The following SDK2 variants were observed in gnomAD, a reference collection of about 807,000 sequenced individuals.
SDK2 encodes sidekick cell adhesion molecule 2.
A neutral mutation model predicts 253.9 loss-of-function variants in SDK2; 105 were observed. That is an observed-to-expected ratio of 0.41 (90% confidence interval 0.35 to 0.49). The LOEUF is 0.49. Ranked by LOEUF, SDK2 falls within the 20% of genes least tolerant of loss-of-function variation. The probability of loss-of-function intolerance (pLI) is 0.06; values close to 1 mark genes in which losing one functional copy is unlikely to be tolerated. For synonymous variants in SDK2, 1,249 were observed against 1,234.9 expected (o/e 1.01, Z -0.24); for missense variants, 2,608 against 3,003.0 (o/e 0.87, Z 3.07).
chr17:73,393,651 G>A lies in SDK2; in HGVS notation c.3807C>T (p.Tyr1269=), dbSNP rs771046841. ...RSAQLTGLGK[Y]VLYEVQVLAF... ...CCAGCACCTGGACTTCATAGAGCAC[G>A]TATTTGCCCAAGCCGGTGAGCTGGG... The change falls in exon 27 of 45, where the codon TAC becomes TAT. Residue 1269 remains tyrosine (Y), a synonymous_variant. Transcript: ENST00000392650. 6.2e-5 allele frequency: 99 copies of A among 1,600,852 alleles called. No individual in the cohort carries two copies. Among genetic ancestry groups the A allele is most frequent in the South Asian group, 4.0e-4 (36 of 89,762 alleles).
chr17:73,612,917 A>AAAT lies in SDK2; in HGVS notation c.64+31105_64+31107dup, dbSNP rs367745115. ...GGGTGACAGAGCGAGACTCCGTCTC[A>AAAT]AATAATAATAATAATAATAATAGTA... On this transcript the variant is annotated intron_variant, in intron 1 of 44. Transcript: ENST00000392650. This position sits in a 1 kb window ranked among gnomAD's most constrained non-coding sequence, Gnocchi z 4.4. Among the ~76,000 whole-genome samples the AAAT allele has an allele frequency of 0.039, 5,928 of 151,530 alleles. 172 individuals are homozygous for AAAT. The highest frequency in any genetic ancestry group is 0.079 in the African/African-American group (3,279 of 41,282).
chr17:73,371,162 A>G (rs1293940477), intron 36 of SDK2, among the ~76,000 whole-genome samples: 1 of 152,044 alleles, frequency 6.6e-6, no homozygotes, highest in Non-Finnish European at 1.5e-5. Context: ...TCACTCATGC[A>G]TTCATACTAA....
chr17:73,398,477 C>A, intron 22 of SDK2, 48 bp from the exon 23 acceptor site: 1 of 1,513,346 alleles, frequency 6.6e-7, no homozygotes, highest in African/African-American at 1.4e-5. Context: ...AGGGCCCACA[C>A]GGGGTGCTCC....
chr17:73,432,628 G>C (rs920595111), intron 10 of SDK2, among the ~76,000 whole-genome samples: 5 of 150,166 alleles, frequency 3.3e-5, no homozygotes, highest in Non-Finnish European at 7.4e-5. Flanking sequence ...TAAATAAGCC[G>C]ATGACCAAAT....
intron 2 of SDK2, among the ~76,000 whole-genome samples, chr17:73,480,006 C>T (rs1432956516): frequency 6.6e-6 from 1 of 152,148 alleles, no homozygotes; most frequent in East Asian, 1.9e-4. Context: ...GTTTTATTTT[C>T]TTTATCATCA....
intron 1 of SDK2, among the ~76,000 whole-genome samples, chr17:73,604,495 G>T (rs756825261): frequency 6.6e-6 from 1 of 152,120 alleles, no homozygotes; most frequent in African/African-American, 2.4e-5. Context: ...TGGGCAGCTG[G>T]CTTAAAGGAA....
intron 3 of SDK2, among the ~76,000 whole-genome samples, chr17:73,462,179 G>A (rs1457892384): frequency 6.6e-6 from 1 of 152,022 alleles, no homozygotes; most frequent in Admixed American, 6.5e-5. Context: ...ATGTGTACAT[G>A]TATAGTGGGA....
intron 1 of SDK2, among the ~76,000 whole-genome samples, chr17:73,572,022 C>T (rs943673864): frequency 9.8e-5 from 15 of 152,306 alleles, no homozygotes; most frequent in Middle Eastern, 3.4e-3. Context: ...CAGAGACTCC[C>T]CTCCTCCCTA....
Position 73,431,461 on chromosome 17 carries a change from C to A in SDK2, c.1480+41G>T. 6.3e-7 allele frequency: 1 copy of A among 1,577,438 alleles called. No homozygotes were observed. The highest frequency in any genetic ancestry group is 8.6e-7 in the Non-Finnish European group (1 of 1,160,508). ...CAGCACCTACAGGGATGTACACACG[C>A]ACACACAAATGTATAAAGCCCTGTG... On this transcript the variant is annotated intron_variant, in intron 11 of 44. Coordinates refer to ENST00000392650, the MANE Select transcript of SDK2 (RefSeq NM_001144952.2). The surrounding 1 kb of genome is among the most constrained non-coding windows in gnomAD (Gnocchi z 5.6).
intron 3 of SDK2, among the ~76,000 whole-genome samples, chr17:73,470,296 C>A (rs1242700476): frequency 1.3e-5 from 2 of 152,176 alleles, no homozygotes; most frequent in Non-Finnish European, 2.9e-5. Flanking sequence ...TGCAAACACA[C>A]ACACACACAC....
intron 15 of SDK2, among the ~76,000 whole-genome samples, chr17:73,420,856 A>G (rs2063223786): frequency 6.6e-6 from 1 of 151,428 alleles, no homozygotes; most frequent in South Asian, 2.1e-4. Flanking sequence ...TTGTATTTTT[A>G]GTAGAGATGG....
chr17:73,494,586 C>G (rs780573420), intron 2 of SDK2, among the ~76,000 whole-genome samples: 22 of 152,208 alleles, frequency 1.4e-4, no homozygotes, highest in Non-Finnish European at 3.1e-4. Context: ...TCCCCTTACA[C>G]TTTGAACTTA....
chr17:73,381,043 C>T (rs892173307), intron 33 of SDK2, 93 bp from the exon 34 acceptor site: 19 of 769,252 alleles, frequency 2.5e-5, no homozygotes, highest in Admixed American at 6.8e-5. Context: ...AAAGAAACCC[C>T]GGCCAGGCGG....
rs1568385684 is a variant in SDK2 at position 73,405,494 on chromosome 17, ATATATATATATATAT to A, written c.2485-3368_2485-3354del. 9.9e-3 allele frequency among the ~76,000 whole-genome samples: 1,004 copies of A among 101,098 alleles called. 135 individuals are homozygous for A. Among genetic ancestry groups the A allele is most frequent in the East Asian group, 0.037 (111 of 2,982 alleles). 66.3% of individuals were successfully genotyped at this position (101,098 alleles called of 152,430 possible). On this transcript the variant is annotated intron_variant, in intron 18 of 44. Transcript: ENST00000392650. ...TATATATATATATATATATATATAT[ATATATATATATATAT>A]ATATATATAAAGATCGAGAATGTGG...
chr17:73,346,691 T>C (rs1306871268), intron 44 of SDK2, among the ~76,000 whole-genome samples: 1 of 152,190 alleles, frequency 6.6e-6, no homozygotes, highest in Non-Finnish European at 1.5e-5. Context: ...TATTGCCATA[T>C]CACAGGAAAA....
chr17:73,451,860 CCCCAGAGGCAA>C (rs775632671), intron 4 of SDK2, among the ~76,000 whole-genome samples: 1 of 152,148 alleles, frequency 6.6e-6, no homozygotes, highest in Non-Finnish European at 1.5e-5. Flanking sequence ...CAGCACTGCA[CCCCAGAGGCAA>C]CCCAGATGGA....
At chr17:73,637,349 GGCT>G (rs2046344671) in intron 1 of SDK2, among the ~76,000 whole-genome samples, 2 of 152,164 alleles carry the variant, frequency 1.3e-5, no homozygotes, top group Admixed American at 6.5e-5. Flanking sequence ...CTAATGAATG[GGCT>G]ACAATCAGAA....
chr17:73,340,241 G>A (rs1467992990), intron 44 of SDK2, among the ~76,000 whole-genome samples: 2 of 152,322 alleles, frequency 1.3e-5, no homozygotes, highest in East Asian at 3.9e-4. Context: ...ATGACTCAGT[G>A]CATTAGGACC....
At chr17:73,411,775 T>G (rs2063127408) in intron 18 of SDK2, among the ~76,000 whole-genome samples, 1 of 132,698 alleles carries the variant, frequency 7.5e-6, no homozygotes, top group Non-Finnish European at 1.5e-5. Context: ...CTACTACTAC[T>G]ATTATTACTG....
Sources: allele counts gnomAD v4.1 joint callset (sites outside exome capture counted in the v4.1 genomes callset), GRCh38; gene constraint gnomAD v4.1.1; non-coding constraint Gnocchi (gnomAD v3.1); transcripts MANE v1.5; gene names NCBI Gene and HGNC (gene_info 2026-07-23, HGNC 2026-07-21).